RYR3: variants seen among roughly 807,000 people sequenced by gnomAD.
RYR3 encodes ryanodine receptor 3.
Under a neutral mutation model 584.3 loss-of-function variants are expected in RYR3, and 207 were observed. The ratio of observed to expected loss-of-function variants is 0.35; its 90% CI spans 0.32 to 0.40. RYR3 has a LOEUF of 0.40. RYR3 is among the 10% of genes least tolerant of loss of function. RYR3 has a pLI of 1.00. For synonymous variants in RYR3, 2,416 were observed against 2,248.5 expected, an observed-to-expected ratio of 1.07 and a Z score of -2.11; for missense variants, 5,616 against 6,089.2, an observed-to-expected ratio of 0.92 and a Z score of 2.59.
intron 64 of RYR3, among the ~76,000 whole-genome samples, chr15:33,775,976 C>T (rs1273315119): frequency 3.3e-5 from 5 of 152,152 alleles, no homozygotes; most frequent in South Asian, 2.1e-4. Flanking sequence ...TCAGAGTTAC[C>T]GTACATTTTC....
intron 12 of RYR3, among the ~76,000 whole-genome samples, chr15:33,573,574 T>C (rs920285219): frequency 6.6e-6 from 1 of 152,210 alleles, no homozygotes; most frequent in South Asian, 2.1e-4. Context: ...CTGTCAGCTG[T>C]CCTCTAAGTT....
intron 2 of RYR3, among the ~76,000 whole-genome samples, chr15:33,488,714 T>C (rs971903155): frequency 2.0e-5 from 3 of 152,074 alleles, no homozygotes; most frequent in South Asian, 4.2e-4. Context: ...TAGCCAGGCA[T>C]GGTGACACGT....
chr15:33,539,194 G>A, intron 5 of RYR3, 156 bp from the exon 6 acceptor site: 1 of 572,308 alleles, frequency 1.7e-6, no homozygotes, highest in South Asian at 2.2e-5. Context: ...ATGGGGGGCT[G>A]TCTGGAACGG....
At chr15:33,526,997 G>A (rs1222602154) in intron 3 of RYR3, among the ~76,000 whole-genome samples, 2 of 152,142 alleles carry the variant, frequency 1.3e-5, no homozygotes, top group African/African-American at 2.4e-5. Flanking sequence ...AGAGGGAAAC[G>A]TGTGCAGAAG....
chr15:33,486,641 A>G (rs2050450195), intron 2 of RYR3, among the ~76,000 whole-genome samples: 1 of 152,222 alleles, frequency 6.6e-6, no homozygotes, highest in South Asian at 2.1e-4. Context: ...AGGTCAAAGT[A>G]CACAAACATC....
chr15:33,689,302 A>G (rs1596168570), intron 38 of RYR3, among the ~76,000 whole-genome samples: 2 of 152,130 alleles, frequency 1.3e-5, no homozygotes, highest in South Asian at 4.2e-4. Flanking sequence ...GCACACCAAC[A>G]TGGCACATGT....
intron 51 of RYR3, among the ~76,000 whole-genome samples, chr15:33,740,807 C>T (rs1474107156): frequency 6.6e-6 from 1 of 152,212 alleles, no homozygotes; most frequent in Non-Finnish European, 1.5e-5. Flanking sequence ...TGAACCCTTC[C>T]CAGGGGGACT....
chr15:33,326,074 G>T (rs1281226854), intron 1 of RYR3, among the ~76,000 whole-genome samples: 1 of 152,162 alleles, frequency 6.6e-6, no homozygotes, highest in Non-Finnish European at 1.5e-5. Context: ...AAAGTGCTGG[G>T]ATTACAGGTG....
rs769363343 is a variant in RYR3, at chr15:33,613,174, C to T, written c.2165-9C>T. The T allele has an allele frequency of 7.4e-6, 12 of 1,611,354 alleles. No individual in the cohort carries two copies. The highest frequency in any genetic ancestry group is 1.0e-5 in the Non-Finnish European group (12 of 1,178,122). On this transcript the variant is annotated splice_polypyrimidine_tract_variant and intron_variant, in intron 18 of 103. Coordinates refer to ENST00000634891, the MANE Select transcript of RYR3 (RefSeq NM_001036.6). ...TTCCACAGCCTTCTTCCTGTTCTTT[C>T]CTCACCAGGCCGGATACCCAGAGCT...
chr15:33,435,622 G>A (rs1455142252), intron 1 of RYR3, among the ~76,000 whole-genome samples: 2 of 152,154 alleles, frequency 1.3e-5, no homozygotes, highest in Non-Finnish European at 2.9e-5. Flanking sequence ...CTTCTCATGG[G>A]TTCTTGCTCT....
At position 33,722,992 on chromosome 15, in the gene RYR3, A is replaced by G. The variant is rs142517436; in HGVS notation, c.6800+97A>G. The G allele has an allele frequency of 2.3e-4, 254 of 1,125,742 alleles. 1 individual carries two copies. The African/African-American group carries it at 3.8e-3, about 17-fold the overall frequency. The allele number at this position is 1,125,742 out of a possible 1,614,324, so 69.7% of individuals were successfully genotyped here. A position where few individuals can be genotyped will look rare whatever the true frequency, so the allele number is the denominator to read the frequency against. Reference sequence around the variant, plus strand: ...ATTTAGGAGGTAATAGAGAAAGCACATGTTCTTAACAGTTACAGCTAAAAC... The same window carrying G: ...ATTTAGGAGGTAATAGAGAAAGCACGTGTTCTTAACAGTTACAGCTAAAAC... On this transcript the variant is annotated intron_variant, in intron 44 of 103. Transcript: ENST00000634891.
intron 2 of RYR3, among the ~76,000 whole-genome samples, chr15:33,490,771 G>A (rs1321916415): frequency 2.7e-5 from 4 of 145,796 alleles, no homozygotes; most frequent in African/African-American, 7.5e-5. Flanking sequence ...AGTCAAGAAA[G>A]ATGAGAACTT....
At chr15:33,727,136 C>G (rs1018368686) in intron 46 of RYR3, among the ~76,000 whole-genome samples, 6 of 152,200 alleles carry the variant, frequency 3.9e-5, no homozygotes, top group African/African-American at 1.4e-4. Context: ...CACAGACGGG[C>G]CCCCACACAG....
intron 93 of RYR3, among the ~76,000 whole-genome samples, chr15:33,847,861 T>C (rs553080921): frequency 6.6e-6 from 1 of 152,302 alleles, no homozygotes; most frequent in South Asian, 2.1e-4. Context: ...CCCTGTACAT[T>C]GAAGGGAGTT....
At chr15:33,863,703 C>G (rs922629518) in intron 102 of RYR3, among the ~76,000 whole-genome samples, 2 of 152,146 alleles carry the variant, frequency 1.3e-5, no homozygotes, top group Non-Finnish European at 2.9e-5. Context: ...TAAATACTTT[C>G]TAACTTTTCC....
intron 37 of RYR3, among the ~76,000 whole-genome samples, 180 bp from the exon 38 acceptor site, chr15:33,670,239 A>AT (rs34219516): frequency 3.3e-5 from 5 of 151,540 alleles, no homozygotes; most frequent in African/African-American, 1.2e-4. Context: ...GGAAATCAAT[A>AT]TTTTTTTTTT....
chr15:33,670,690 T>C (rs973112347), intron 38 of RYR3, 134 bp downstream of exon 38: 9 of 879,688 alleles, frequency 1.0e-5, no homozygotes, highest in Non-Finnish European at 1.5e-5. Context: ...ATGTTATAAT[T>C]GCTGGTGGTT....
intron 1 of RYR3, among the ~76,000 whole-genome samples, chr15:33,465,009 T>C (rs1021124857): frequency 6.6e-6 from 1 of 152,212 alleles, no homozygotes; most frequent in African/African-American, 2.4e-5. Flanking sequence ...ACGTAGCTGA[T>C]TTCAGCTAGC....
Position 33,696,205 on chromosome 15 carries a change from G to A in RYR3, c.5861-13G>A, listed in dbSNP as rs756509710. Reference sequence around the variant, plus strand: ...GACAGCCACAGTCCTGCTCCCTCCTGTTGTCCTTCCAGCAACATTGAAGGA... The same window carrying A: ...GACAGCCACAGTCCTGCTCCCTCCTATTGTCCTTCCAGCAACATTGAAGGA... On this transcript the variant is annotated splice_polypyrimidine_tract_variant and intron_variant, in intron 38 of 103. Transcript: ENST00000634891. 4 of 1,610,796 alleles carry A rather than the reference G, an allele frequency of 2.5e-6. No individual in the cohort carries two copies. The highest frequency in any genetic ancestry group is 3.4e-6 in the Non-Finnish European group (4 of 1,178,038).
Sources: gnomAD v4.1 joint callset for allele counts (sites outside exome capture counted in the v4.1 genomes callset) on GRCh38, gnomAD v4.1.1 for gene constraint, MANE v1.5 for transcripts, NCBI Gene and HGNC (gene_info 2026-07-23, HGNC 2026-07-21) for gene names.